Variants in NAA38 observed in about 807,000 individuals in gnomAD.
The protein encoded by NAA38 is N-alpha-acetyltransferase 38, NatC auxiliary subunit, also known as LSM domain containing 1.
NAA38 carries 15 observed loss-of-function variants against 12.6 expected under a neutral mutation model. The ratio of observed to expected loss-of-function variants is 1.19; its 90% CI spans 0.79 to 1.83. NAA38 has a LOEUF of 1.83. NAA38 is among the 40% of genes most tolerant of loss of function. NAA38 has a pLI of 0.00. For missense variants in NAA38, 183 were observed against 171.7 expected (o/e 1.07, Z -0.37); for synonymous variants, 88 against 69.9 (o/e 1.26, Z -1.29).
rs759738955 is a variant in NAA38, at chr17:7,885,025, C to CCCGCCG, written c.-167+134_-167+139dup. The CCCGCCG allele has an allele frequency of 5.9e-5, 69 of 1,161,206 alleles. No homozygotes were observed. Among genetic ancestry groups the CCCGCCG allele is most frequent in the Admixed American group, 1.4e-4 (3 of 21,960 alleles). 71.9% of individuals were successfully genotyped at this position (1,161,206 alleles called of 1,614,324 possible). A position where few individuals can be genotyped will look rare whatever the true frequency, so the allele number is the denominator to read the frequency against. On this transcript the variant is annotated intron_variant, in intron 1 of 4. Transcript: ENST00000576861. ...ACAGCCCCCCCGGCTGCCACCTCTT[C>CCCGCCG]CCGCCGCCGCCGCCGCCGCCGCCAC...
At chr17:7,861,535 C>T (rs2078883203), upstream of NAA38, 1 of 152,218 alleles carries the variant, frequency 6.6e-6, no homozygotes. Context: ...AGGGCCTGTC[C>T]TGTGCCTACA....
intron 3 of NAA38, chr17:7,863,206 T>C (rs1005302815): frequency 1.1e-4 from 16 of 152,350 alleles, no homozygotes; most frequent in African/African-American, 3.8e-4. Flanking sequence ...AGGCACTGCT[T>C]TGTTCTCTAA....
intron 2 of NAA38, among the ~76,000 whole-genome samples, chr17:7,868,335 G>A (rs978952909): frequency 3.3e-5 from 5 of 152,194 alleles, no homozygotes; most frequent in African/African-American, 4.8e-5. Context: ...AGACCTGAGC[G>A]ACCATGGATT....
chr17:7,883,748 T>G (rs1458278382), intron 1 of NAA38, among the ~76,000 whole-genome samples: 1 of 151,700 alleles, frequency 6.6e-6, no homozygotes, highest in Non-Finnish European at 1.5e-5. Context: ...CAGAGTTATA[T>G]ATAAACATAT....
At chr17:7,858,587 C>A (rs544962004), upstream of NAA38, 19 of 1,607,434 alleles carry the variant, frequency 1.2e-5, no homozygotes, top group South Asian at 2.1e-4. Flanking sequence ...ACACCCTCGC[C>A]CCAAACCCTC....
chr17:7,884,872 AGAG>A, intron 1 of NAA38: 1 of 1,227,984 alleles, frequency 8.1e-7, no homozygotes, highest in Middle Eastern at 2.9e-4. Flanking sequence ...AGGAGGAAGA[AGAG>A]GAGGAAGAAG....
intron 2 of NAA38, among the ~76,000 whole-genome samples, chr17:7,877,373 T>A (rs572630216): frequency 1.3e-5 from 1 of 74,278 alleles, no homozygotes; most frequent in East Asian, 6.3e-4. Context: ...AATGATGTCA[T>A]TTTTTTTTTT....
At chr17:7,857,981 T>C (rs529473727), upstream of NAA38, 1 of 1,492,532 alleles carries the variant, frequency 6.7e-7, no homozygotes, top group Non-Finnish European at 8.9e-7. Context: ...TTTATCTCAG[T>C]GGACGGTGGC....
At chr17:7,857,758 C>G (rs2078841199), upstream of NAA38, 1 of 1,277,508 alleles carries the variant, frequency 7.8e-7, no homozygotes, top group African/African-American at 1.5e-5. Flanking sequence ...TTCATACTGC[C>G]TCCTCCCTTG....
At chr17:7,882,454 C>G (rs1300913028) in intron 2 of NAA38, among the ~76,000 whole-genome samples, 1 of 152,012 alleles carries the variant, frequency 6.6e-6, no homozygotes, top group Non-Finnish European at 1.5e-5. Flanking sequence ...GTAGAGGTGA[C>G]AGAGCCTGAG....
chr17:7,866,422 T>C (rs1028129606), intron 3 of NAA38: 7 of 1,210,264 alleles, frequency 5.8e-6, no homozygotes, highest in African/African-American at 4.7e-5. Flanking sequence ...CGGGGAACTT[T>C]TAAAGTTCCC....
At position 7,857,466 on chromosome 17, in the gene NAA38, GC is replaced by G; in HGVS notation, c.-4del. The stretch of plus-strand genomic sequence containing the variant: ...ATGGTCGGTCCAGCTCCGGCCATTT[GC>G]CCGGAGGCCTCCTCTGGGCCTTTCA... On this transcript the variant is annotated 5_prime_UTR_variant, in exon 1 of 3. Coordinates refer to ENST00000575771, the MANE Select transcript of NAA38 (RefSeq NM_001320925.4). 2 of 1,528,160 alleles carry G rather than the reference GC, an allele frequency of 1.3e-6. No individual in the cohort carries two copies. Among genetic ancestry groups the G allele is most frequent in the South Asian group, 2.5e-5 (2 of 79,162 alleles). 94.7% of individuals were successfully genotyped at this position (1,528,160 alleles called of 1,614,324 possible).
At chr17:7,869,112 T>C (rs755899239) in intron 2 of NAA38, among the ~76,000 whole-genome samples, 1 of 152,246 alleles carries the variant, frequency 6.6e-6, no homozygotes, top group Non-Finnish European at 1.5e-5. Context: ...GTAAACTTGA[T>C]GGTTTAGAAT....
At chr17:7,864,696 A>G (rs1486199578) in intron 3 of NAA38, 2 of 152,160 alleles carry the variant, frequency 1.3e-5, no homozygotes, top group African/African-American at 2.4e-5. Flanking sequence ...CCAGGAGTTC[A>G]AGATAAGCCT....
intron 2 of NAA38, among the ~76,000 whole-genome samples, chr17:7,867,706 AAG>A (rs1967013679): frequency 6.6e-6 from 1 of 152,258 alleles, no homozygotes; most frequent in African/African-American, 2.4e-5. Flanking sequence ...CTACAATGTC[AAG>A]AGAGAAGGAA....
At chr17:7,858,265 A>T, upstream of NAA38, 1 of 1,613,958 alleles carries the variant, frequency 6.2e-7, no homozygotes, top group Non-Finnish European at 8.5e-7. Context: ...CGCGTGTACG[A>T]CCTAACGTCA....
chr17:7,859,649 T>G (rs757572263), upstream of NAA38: 2 of 1,601,910 alleles, frequency 1.2e-6, no homozygotes, highest in East Asian at 4.5e-5. Flanking sequence ...TCAAGACGTA[T>G]TTCGAGTTTG....
intron 1 of NAA38, chr17:7,884,929 G>GGACGATGAGGAGGACGAC (rs1433824928): frequency 1.4e-6 from 2 of 1,410,908 alleles, no homozygotes; most frequent in Non-Finnish European, 1.9e-6. Context: ...CGGCCGACGA[G>GGACGATGAGGAGGACGAC]GACGATGAGG....
chr17:7,884,827 CGAGGAGGAGGAG>C, intron 1 of NAA38: 1 of 803,846 alleles, frequency 1.2e-6, no homozygotes. Flanking sequence ...CTCTGAGGGA[CGAGGAGGAGGAG>C]GAGGAGGAGA....
Sources: gnomAD v4.1 joint callset for allele counts (sites outside exome capture counted in the v4.1 genomes callset) on GRCh38, gnomAD v4.1.1 for gene constraint, MANE v1.5 for transcripts, NCBI Gene and HGNC (gene_info 2026-07-23, HGNC 2026-07-21) for gene names.